CRPPA: variants seen among roughly 807,000 people sequenced by gnomAD.
CRPPA encodes the protein D-ribitol-5-phosphate cytidylyltransferase.
Under a neutral mutation model 52.0 loss-of-function variants are expected in CRPPA, and 43 were observed. The observed-to-expected ratio is 0.83, with a 90% CI of 0.65 to 1.07. The LOEUF (loss-of-function observed/expected upper bound fraction) is 1.07. CRPPA is among the 50% of genes least tolerant of loss of function. The pLI is 0.00. For missense variants in CRPPA, 629 were observed against 551.7 expected (o/e 1.14, Z -1.40); for synonymous variants, 250 against 203.5 (o/e 1.23, Z -1.94).
At chr7:16,353,556 A>G (rs1426552313) in intron 3 of CRPPA, among the ~76,000 whole-genome samples, 3 of 152,142 alleles carry the variant, frequency 2.0e-5, no homozygotes, top group Non-Finnish European at 4.4e-5. Context: ...TTAAATTTTA[A>G]TTTAATTTGT....
chr7:16,184,741 T>C (rs750605663), intron 9 of CRPPA, among the ~76,000 whole-genome samples: 1 of 152,246 alleles, frequency 6.6e-6, no homozygotes, highest in Non-Finnish European at 1.5e-5. Flanking sequence ...TCAGTAATTT[T>C]ACTTATGTTA....
intron 2 of CRPPA, among the ~76,000 whole-genome samples, chr7:16,398,117 T>C (rs950577817): frequency 1.3e-5 from 2 of 151,808 alleles, no homozygotes; most frequent in African/African-American, 2.4e-5. Flanking sequence ...TGACAGGTGA[T>C]TGACATTATT....
intron 8 of CRPPA, among the ~76,000 whole-genome samples, chr7:16,247,394 T>C (rs1046402235): frequency 3.3e-5 from 5 of 152,178 alleles, no homozygotes; most frequent in African/African-American, 1.2e-4. Flanking sequence ...TTTCAGGGAA[T>C]AGGGAATCTC....
At chr7:16,214,230 A>C (rs567041306) in intron 9 of CRPPA, among the ~76,000 whole-genome samples, 1 of 152,350 alleles carries the variant, frequency 6.6e-6, no homozygotes, top group East Asian at 1.9e-4. Flanking sequence ...TGTGAAATTC[A>C]AATTTAACTA....
chr7:16,304,769 A>G (rs1020917052), intron 4 of CRPPA, among the ~76,000 whole-genome samples: 1 of 152,206 alleles, frequency 6.6e-6, no homozygotes, highest in African/African-American at 2.4e-5. Context: ...GTCAGTCTTT[A>G]AACCAATGTG....
chr7:16,102,342 A>T (rs145260693), intron 9 of CRPPA, among the ~76,000 whole-genome samples: 1 of 151,372 alleles, frequency 6.6e-6, no homozygotes, highest in African/African-American at 2.5e-5. Context: ...AAGACATAAA[A>T]CCATAAAAAT....
intron 3 of CRPPA, among the ~76,000 whole-genome samples, chr7:16,357,888 G>C (rs927835875): frequency 6.6e-6 from 1 of 152,166 alleles, no homozygotes; most frequent in Non-Finnish European, 1.5e-5. Context: ...GTGGGCCAGA[G>C]TTGGTGCGTG....
chr7:16,341,704 G>T (rs1785839967), intron 3 of CRPPA, among the ~76,000 whole-genome samples: 1 of 151,968 alleles, frequency 6.6e-6, no homozygotes, highest in African/African-American at 2.4e-5. Flanking sequence ...CTCAAATGTG[G>T]GATATTATGT....
chr7:16,341,553 A>G, intron 3 of CRPPA, among the ~76,000 whole-genome samples: 1 of 152,238 alleles, frequency 6.6e-6, no homozygotes, highest in East Asian at 1.9e-4. Context: ...TTTGTTGTAC[A>G]GAGCTGCCCT....
rs368591810 is a variant in CRPPA, at chr7:16,274,343, G to T, written c.933+3786C>A. Among the ~76,000 whole-genome samples the T allele has an allele frequency of 4.7e-4, 72 of 152,116 alleles. 1 individual carries two copies. The highest frequency in any genetic ancestry group is 1.6e-3 in the African/African-American group (68 of 41,514). Reference sequence around the variant, plus strand: ...ATTACGGACGTGAGCCACCACACCCGGCCTGTTGTGGCTGTTTCTAAGAGA... The same window carrying T: ...ATTACGGACGTGAGCCACCACACCCTGCCTGTTGTGGCTGTTTCTAAGAGA... On this transcript the variant is annotated intron_variant, in intron 6 of 9. Transcript: ENST00000407010.
At chr7:16,385,666 TA>T (rs1787244188) in intron 2 of CRPPA, among the ~76,000 whole-genome samples, 1 of 152,158 alleles carries the variant, frequency 6.6e-6, no homozygotes, top group Non-Finnish European at 1.5e-5. Flanking sequence ...TAATTCACAT[TA>T]AAAAACAAAG....
intron 2 of CRPPA, among the ~76,000 whole-genome samples, chr7:16,399,588 C>G (rs1226886914): frequency 6.6e-6 from 1 of 151,806 alleles, no homozygotes; most frequent in Non-Finnish European, 1.5e-5. Flanking sequence ...TGACAAGCGA[C>G]TTACACGATT....
chr7:16,331,882 A>T (rs1338398382), intron 3 of CRPPA, among the ~76,000 whole-genome samples: 1 of 152,186 alleles, frequency 6.6e-6, no homozygotes, highest in African/African-American at 2.4e-5. Flanking sequence ...GTATAATGGG[A>T]ATATCTATAA....
intron 9 of CRPPA, among the ~76,000 whole-genome samples, chr7:16,160,387 G>A (rs1047487421): frequency 4.6e-5 from 7 of 152,218 alleles, no homozygotes; most frequent in African/African-American, 1.7e-4. Context: ...TCTGCATATG[G>A]CTAGCCAGTT....
rs181140072 is a variant in CRPPA at position 16,409,538 on chromosome 7, G to A, written c.258-3201C>T. 3.3e-5 allele frequency among the ~76,000 whole-genome samples: 5 copies of A among 152,334 alleles called. No homozygotes were observed. In the East Asian group the frequency reaches 5.8e-4, roughly 18 times the overall value. On this transcript the variant is annotated intron_variant, in intron 1 of 9. Transcript: ENST00000407010. ...GGGTACCAGGTGGAGCTTGTATATG[G>A]CGTTTTAGAGATAGTCTATTCTAGA...
intron 9 of CRPPA, among the ~76,000 whole-genome samples, chr7:16,124,662 T>C (rs1475567621): frequency 6.6e-6 from 1 of 152,142 alleles, no homozygotes; most frequent in Non-Finnish European, 1.5e-5. Context: ...AGGGTAACTA[T>C]AACTAACAAT....
At chr7:16,329,410 C>G (rs114607883) in intron 3 of CRPPA, among the ~76,000 whole-genome samples, 304 of 152,244 alleles carry the variant, frequency 2.0e-3, no homozygotes, top group African/African-American at 7.1e-3. Flanking sequence ...CTGGAAGCCA[C>G]AAAATATATT....
At chr7:16,272,821 A>G (rs1425998948) in intron 6 of CRPPA, among the ~76,000 whole-genome samples, 2 of 152,142 alleles carry the variant, frequency 1.3e-5, no homozygotes, top group African/African-American at 4.8e-5. Flanking sequence ...TATATTCACT[A>G]TTGACATGAC....
At chr7:16,383,041 G>A (rs1422932458) in intron 2 of CRPPA, among the ~76,000 whole-genome samples, 3 of 152,234 alleles carry the variant, frequency 2.0e-5, no homozygotes, top group Non-Finnish European at 2.9e-5. Flanking sequence ...GTGAGGAACT[G>A]CGTTCCTTTG....
Sources: allele counts gnomAD v4.1 joint callset (sites outside exome capture counted in the v4.1 genomes callset), GRCh38; gene constraint gnomAD v4.1.1; transcripts MANE v1.5; gene names NCBI Gene and HGNC (gene_info 2026-07-23, HGNC 2026-07-21).